Variants in MGRN1 observed in about 807,000 individuals in gnomAD.
MGRN1 encodes E3 ubiquitin-protein ligase MGRN1.
A neutral mutation model predicts 69.2 loss-of-function variants in MGRN1; 29 were observed. The ratio of observed to expected loss-of-function variants is 0.42; its 90% CI spans 0.31 to 0.57. The LOEUF (loss-of-function observed/expected upper bound fraction) is 0.57. Among genes scored for constraint, MGRN1 ranks in the 20% least tolerant of loss-of-function variants. The pLI is 0.15. For missense variants in MGRN1, 998 were observed against 796.2 expected (o/e 1.25, Z -3.05); for synonymous variants, 470 against 344.2 (o/e 1.37, Z -4.04).
chr16:4,652,667 G>T lies in MGRN1; in HGVS notation c.297-11G>T, dbSNP rs200065993. 1 of 1,602,540 alleles carries T rather than the reference G, an allele frequency of 6.2e-7. No homozygotes were observed. Among genetic ancestry groups the T allele is most frequent in the Non-Finnish European group, 8.5e-7 (1 of 1,172,770 alleles). On this transcript the variant is annotated splice_polypyrimidine_tract_variant and intron_variant, in intron 3 of 16. Transcript: ENST00000262370. ...CTGACCCGCTGCCTTTCTCTCCACC[G>T]CCTGGGGTAGGTACAAAGACGATGC...
At position 4,657,243 on chromosome 16, in the gene MGRN1, C is replaced by T. The variant is rs757507260; in HGVS notation, c.444-3C>T. The T allele has an allele frequency of 2.2e-5, 36 of 1,613,094 alleles. No homozygotes were observed. Among genetic ancestry groups the T allele is most frequent in the Non-Finnish European group, 2.9e-5 (34 of 1,179,258 alleles). ...CTCACTGCTTGCTCCTGGCTCCCTGCAGATACAGCCCCAAGAGCCCCTCGC... is the reference window on the plus strand; with the variant it reads ...CTCACTGCTTGCTCCTGGCTCCCTGTAGATACAGCCCCAAGAGCCCCTCGC... On this transcript the variant is annotated splice_polypyrimidine_tract_variant and splice_region_variant and intron_variant, in intron 4 of 16. Coordinates refer to ENST00000262370, the MANE Select transcript of MGRN1 (RefSeq NM_015246.4).
chr16:4,664,824 G>C, intron 6 of MGRN1, 49 bp downstream of exon 6: 1 of 1,603,920 alleles, frequency 6.2e-7, no homozygotes, highest in Non-Finnish European at 8.5e-7. Flanking sequence ...CGTGCAGGGA[G>C]GAAGCACGTC....
chr16:4,650,009 T>G, intron 1 of MGRN1: 5 of 186,284 alleles, frequency 2.7e-5, no homozygotes, highest in East Asian at 3.4e-4. Flanking sequence ...TCAGAGTCGA[T>G]AACTGTTTCC....
At chr16:4,651,765 G>C (rs184771843) in intron 2 of MGRN1, among the ~76,000 whole-genome samples, 198 bp from the exon 3 acceptor site, 1 of 152,108 alleles carries the variant, frequency 6.6e-6, no homozygotes, top group Non-Finnish European at 1.5e-5. Context: ...GGGTGATTTG[G>C]TCCTGGCCGT....
chr16:4,663,775 G>A (rs529349243), intron 5 of MGRN1, among the ~76,000 whole-genome samples: 69 of 152,248 alleles, frequency 4.5e-4, no homozygotes, highest in Non-Finnish European at 7.6e-4. Context: ...ACAGAGCAGT[G>A]CTGGGGAGCA....
At position 4,673,599 on chromosome 16, in the gene MGRN1, T is replaced by C. The variant is rs1207289173; in HGVS notation, c.897T>C (p.Cys299=). Residue 299 remains cysteine (C), a synonymous_variant, in exon 10 of 17, where the codon TGT becomes TGC. Coordinates refer to ENST00000262370, the MANE Select transcript of MGRN1 (RefSeq NM_015246.4). The part of the protein sequence containing the change: ...LILPCRHLCL[C]TSCADTLRYQ... The stretch of plus-strand genomic sequence containing the variant: ...TGCCCTGCCGCCACCTGTGCCTCTG[T>C]ACCTCCTGCGCCGACACGCTGCGCT... 1 of 1,613,810 alleles carries C rather than the reference T, an allele frequency of 6.2e-7. No individual in the cohort carries two copies. The highest frequency in any genetic ancestry group is 8.5e-7 in the Non-Finnish European group (1 of 1,179,940).
At chr16:4,625,204 C>G (rs1897608567) in intron 1 of MGRN1, among the ~76,000 whole-genome samples, 156 bp downstream of exon 1, 2 of 152,268 alleles carry the variant, frequency 1.3e-5, no homozygotes, top group Admixed American at 1.3e-4. Context: ...GCCCCGATCC[C>G]TAGGCGTGGC....
intron 1 of MGRN1, among the ~76,000 whole-genome samples, chr16:4,628,409 G>A (rs902913021): frequency 9.3e-5 from 14 of 151,272 alleles, no homozygotes; most frequent in Non-Finnish European, 1.3e-4. Flanking sequence ...AAAAAGGAGG[G>A]GACATTGAAG....
chr16:4,683,135 C>T (rs2079226818), intron 14 of MGRN1, 89 bp from the exon 15 acceptor site: 3 of 1,564,320 alleles, frequency 1.9e-6, no homozygotes, highest in South Asian at 1.1e-5. Flanking sequence ...GCTGTGCGGT[C>T]CCGGGAGGGC....
chr16:4,668,741 G>C (rs371497322), intron 8 of MGRN1, among the ~76,000 whole-genome samples: 5,508 of 144,596 alleles, frequency 0.038, 165 homozygotes, highest in African/African-American at 0.082. Flanking sequence ...GACACATACT[G>C]ATACACACAC....
intron 10 of MGRN1, among the ~76,000 whole-genome samples, chr16:4,674,317 C>A (rs533684959): frequency 6.6e-6 from 1 of 151,704 alleles, no homozygotes; most frequent in South Asian, 2.1e-4. Flanking sequence ...GAGATAGAGT[C>A]TCGCTCTGTC....
intron 5 of MGRN1, 45 bp from the exon 6 acceptor site, chr16:4,664,664 C>T: frequency 6.2e-7 from 1 of 1,603,456 alleles, no homozygotes; most frequent in Admixed American, 1.7e-5. Flanking sequence ...GGCTTCCAGG[C>T]TTGGCTGTGT....
chr16:4,654,344 A>T (rs1299443229), intron 4 of MGRN1, among the ~76,000 whole-genome samples: 2 of 152,230 alleles, frequency 1.3e-5, no homozygotes, highest in Admixed American at 6.5e-5. Flanking sequence ...GGCTGGGACC[A>T]AATATTTATT....
rs542701692 is a variant in MGRN1, at chr16:4,668,410, C to T, written c.726+98C>T. 118 of 1,271,956 alleles carry T rather than the reference C, an allele frequency of 9.3e-5. No homozygotes were observed. In the South Asian group the frequency reaches 1.3e-3, roughly 14 times the overall value. The allele number at this position is 1,271,956 out of a possible 1,614,324, so 78.8% of individuals were successfully genotyped here. ...ATACATAGACACACACTCATACACA[C>T]GCACATATACTCATACACGCTCATA... On this transcript the variant is annotated intron_variant, in intron 8 of 16. Transcript: ENST00000262370.
At chr16:4,643,651 C>G (rs549883407) in intron 1 of MGRN1, among the ~76,000 whole-genome samples, 2 of 152,120 alleles carry the variant, frequency 1.3e-5, no homozygotes, top group South Asian at 4.1e-4. Context: ...GGATTACACG[C>G]GTGAGTCACC....
Position 4,671,543 on chromosome 16 carries a change from C to T in MGRN1, c.795+84C>T, listed in dbSNP as rs534302055. 4 of 1,254,658 alleles carry T rather than the reference C, an allele frequency of 3.2e-6. No individual in the cohort carries two copies. In the Admixed American group the frequency reaches 6.8e-5, roughly 21 times the overall value. 77.7% of individuals were successfully genotyped at this position (1,254,658 alleles called of 1,614,324 possible). A position where few individuals can be genotyped will look rare whatever the true frequency, so the allele number is the denominator to read the frequency against. Reference sequence around the variant, plus strand: ...GCGGACAGCAATGCTTGCCGGTTCCCTTCCATGCCTTCCCCTGGAGTCCTA... The same window carrying T: ...GCGGACAGCAATGCTTGCCGGTTCCTTTCCATGCCTTCCCCTGGAGTCCTA... On this transcript the variant is annotated intron_variant, in intron 9 of 16. Coordinates refer to ENST00000262370, the MANE Select transcript of MGRN1 (RefSeq NM_015246.4).
At chr16:4,677,940 C>G (rs2141965311) in intron 11 of MGRN1, among the ~76,000 whole-genome samples, 1 of 152,068 alleles carries the variant, frequency 6.6e-6, no homozygotes, top group South Asian at 2.1e-4. Context: ...CCTCGACCTC[C>G]CGCCTCAAGC....
At chr16:4,659,688 A>G (rs1308711219) in intron 5 of MGRN1, among the ~76,000 whole-genome samples, 1 of 152,272 alleles carries the variant, frequency 6.6e-6, no homozygotes, top group Non-Finnish European at 1.5e-5. Context: ...CATAAGGGGC[A>G]GCTGCTGCTG....
chr16:4,664,917 T>C (rs2078765809), intron 6 of MGRN1, 142 bp downstream of exon 6: 5 of 1,276,218 alleles, frequency 3.9e-6, no homozygotes, highest in Middle Eastern at 2.0e-4. Flanking sequence ...TGTGAGCAGC[T>C]TGGAGTCCCG....
Sources: gnomAD v4.1 joint callset for allele counts (sites outside exome capture counted in the v4.1 genomes callset) on GRCh38, gnomAD v4.1.1 for gene constraint, MANE v1.5 for transcripts, NCBI Gene and HGNC (gene_info 2026-07-23, HGNC 2026-07-21) for gene names.